The following GOLGA4 variants were observed in gnomAD, a reference collection of about 807,000 sequenced individuals.
The protein encoded by GOLGA4 is golgin A4, also known as golgin subfamily A member 4.
GOLGA4 carries 169 observed loss-of-function variants against 265.9 expected under a neutral mutation model. The ratio of observed to expected loss-of-function variants is 0.64; its 90% CI spans 0.56 to 0.72. The LOEUF is 0.72. Ranked by LOEUF, GOLGA4 falls within the 30% of genes least tolerant of loss-of-function variation. GOLGA4 has a pLI of 0.00. For synonymous variants in GOLGA4, 923 were observed against 855.8 expected (o/e 1.08, Z -1.37); for missense variants, 2,482 against 2,483.4 (o/e 1.00, Z 0.01).
chr3:37,268,125 A>C (rs1353370806), intron 2 of GOLGA4, among the ~76,000 whole-genome samples: 1 of 152,174 alleles, frequency 6.6e-6, no homozygotes, highest in East Asian at 1.9e-4. Flanking sequence ...TCTGTTGTTC[A>C]GGCTGGAATG....
chr3:37,315,509 A>C lies in GOLGA4; in HGVS notation c.1324A>C (p.Lys442Gln), dbSNP rs1280259392. ...GAAGGCAGAAATGGATGAACAAATA[A>C]AAACTATCGAAAAAACAAGTGAGGA... The part of the protein sequence containing the change: ...KLKAEMDEQI[K>Q]TIEKTSEEER... The change falls in exon 11 of 24, where the codon AAA becomes CAA. Residue 442 changes from lysine to glutamine, a missense_variant. Coordinates refer to ENST00000361924, the MANE Select transcript of GOLGA4 (RefSeq NM_002078.5). The C allele has an allele frequency of 1.9e-6, 3 of 1,614,006 alleles. No homozygotes were observed. The highest frequency in any genetic ancestry group is 1.7e-6 in the Non-Finnish European group (2 of 1,179,868).
intron 17 of GOLGA4, among the ~76,000 whole-genome samples, chr3:37,335,590 T>A (rs1439533532): frequency 1.3e-5 from 2 of 152,206 alleles, no homozygotes; most frequent in Non-Finnish European, 2.9e-5. Flanking sequence ...CTATAATACA[T>A]CCTTAGTTGT....
rs780428861 is a variant in GOLGA4, at chr3:37,324,176, C to A, written c.2290C>A (p.Leu764Ile). ...LKDQINQLEL[L>I]LKERDKHLKE... ...AGATCAAATTAATCAACTTGAGCTT[C>A]TCTTGAAGGAAAGGGACAAGCATTT... The change falls in exon 14 of 24, where the codon CTC (leucine) becomes ATC (isoleucine). Residue 764 changes from leucine (L) to isoleucine (I), a missense_variant. Around this residue, in one of 3 missense-constraint regions of GOLGA4, gnomAD observed 1,536 missense variants for 1,483.7 expected, o/e 1.04. Coordinates refer to ENST00000361924, the MANE Select transcript of GOLGA4 (RefSeq NM_002078.5). 6 of 1,613,966 alleles carry A rather than the reference C, an allele frequency of 3.7e-6. No homozygotes were observed. In the Admixed American group the frequency reaches 1.0e-4, roughly 27 times the overall value.
At chr3:37,299,144 C>A in intron 8 of GOLGA4, 124 bp downstream of exon 8, 1 of 933,482 alleles carries the variant, frequency 1.1e-6, no homozygotes. Flanking sequence ...TTGCCCTGGC[C>A]TACATAACAC....
intron 19 of GOLGA4, among the ~76,000 whole-genome samples, chr3:37,339,228 G>A (rs538728520): frequency 1.3e-5 from 2 of 152,194 alleles, no homozygotes; most frequent in Admixed American, 6.5e-5. Context: ...GCATATATCA[G>A]TATTTAATTT....
At chr3:37,265,117 TTGTGTGTG>T (rs35252934) in intron 2 of GOLGA4, among the ~76,000 whole-genome samples, 39 of 147,648 alleles carry the variant, frequency 2.6e-4, no homozygotes, top group Admixed American at 9.5e-4. Context: ...CATGCTCATA[TTGTGTGTG>T]TGTGTGTGTG....
intron 2 of GOLGA4, among the ~76,000 whole-genome samples, chr3:37,261,004 CAAAAAA>C: frequency 7.4e-6 from 1 of 134,516 alleles, no homozygotes; most frequent in African/African-American, 2.7e-5. Context: ...CTGTCTCTAC[CAAAAAA>C]AAAAAAAAAA....
At chr3:37,262,418 G>A (rs1028648975) in intron 2 of GOLGA4, among the ~76,000 whole-genome samples, 2 of 152,000 alleles carry the variant, frequency 1.3e-5, no homozygotes, top group Non-Finnish European at 2.9e-5. Flanking sequence ...AATGAGGCAG[G>A]AGAATTAGTT....
At chr3:37,284,872 C>G (rs891177324) in intron 3 of GOLGA4, among the ~76,000 whole-genome samples, 1 of 152,032 alleles carries the variant, frequency 6.6e-6, no homozygotes, top group African/African-American at 2.4e-5. Context: ...GCCATTTTGC[C>G]CAGGCTGGTC....
At chr3:37,278,703 G>T (rs982965001) in intron 2 of GOLGA4, among the ~76,000 whole-genome samples, 1 of 151,916 alleles carries the variant, frequency 6.6e-6, no homozygotes, top group Non-Finnish European at 1.5e-5. Context: ...CTTAAAAAGT[G>T]ATAAAAATGG....
chr3:37,302,572 TA>T (rs2096895924), intron 10 of GOLGA4, among the ~76,000 whole-genome samples: 1 of 152,246 alleles, frequency 6.6e-6, no homozygotes, highest in Non-Finnish European at 1.5e-5. Flanking sequence ...TTTACATTTT[TA>T]AATACTTGAA....
intron 23 of GOLGA4, among the ~76,000 whole-genome samples, chr3:37,364,481 A>G (rs1696590691): frequency 6.6e-6 from 1 of 151,582 alleles, no homozygotes; most frequent in African/African-American, 2.4e-5. Flanking sequence ...ACCTCAGGTG[A>G]TCCACCTGCC....
intron 10 of GOLGA4, among the ~76,000 whole-genome samples, chr3:37,308,152 G>A (rs1012595173): frequency 6.6e-6 from 1 of 151,770 alleles, no homozygotes; most frequent in Non-Finnish European, 1.5e-5. Flanking sequence ...AGAATCACTT[G>A]AACCTGGGAG....
In GOLGA4 at chr3:37,328,972, A is replaced by G. The variant is rs367703617; in HGVS notation, c.6071A>G (p.Gln2024Arg). 80 of 1,602,052 alleles carry G rather than the reference A, an allele frequency of 5.0e-5. No homozygotes were observed. Among genetic ancestry groups the G allele is most frequent in the Non-Finnish European group, 6.7e-5 (79 of 1,175,894 alleles). The part of the protein sequence containing the change: ...MTIKETINKA[Q>R]EVEAELLESH... Reference sequence around the variant, plus strand: ...CATTTTTATTTATTAGATAAGGCCCAGGAGGTGGAGGCTGAACTTTTAGAA... The same window carrying G: ...CATTTTTATTTATTAGATAAGGCCCGGGAGGTGGAGGCTGAACTTTTAGAA... Residue 2024 changes from glutamine to arginine, a missense_variant, in exon 16 of 24, where the codon CAG becomes CGG. Transcript: ENST00000361924.
intron 10 of GOLGA4, among the ~76,000 whole-genome samples, chr3:37,308,684 C>T (rs1353391841): frequency 6.6e-6 from 1 of 151,250 alleles, no homozygotes; most frequent in Non-Finnish European, 1.5e-5. Context: ...GGTGTGATCT[C>T]GGCTCACTGC....
intron 21 of GOLGA4, 140 bp from the exon 22 acceptor site, chr3:37,354,961 T>G (rs954295792): frequency 8.7e-6 from 5 of 572,360 alleles, no homozygotes; most frequent in African/African-American, 1.9e-5. Flanking sequence ...TTTCCTTGAC[T>G]AATACCTTCA....
At position 37,276,305 on chromosome 3, in the gene GOLGA4, A is replaced by G. The variant is rs552013376; in HGVS notation, c.163-5653A>G. ...AAATCTTAAAGATGCAAAAAATCCA[A>G]ATTTAAGGAAAAATGTCCTCTGTGG... On this transcript the variant is annotated intron_variant, in intron 2 of 23. Transcript: ENST00000361924. 3.6e-5 allele frequency: 58 copies of G among 1,601,194 alleles called. 1 individual carries two copies. In the African/African-American group the frequency reaches 7.1e-4, roughly 20 times the overall value.
At chr3:37,289,327 T>C (rs780955183) in intron 5 of GOLGA4, 36 bp downstream of exon 5, 3 of 1,218,016 alleles carry the variant, frequency 2.5e-6, no homozygotes, top group Non-Finnish European at 2.4e-6. Flanking sequence ...AAAATAGTAA[T>C]TAAATCTCAT....
intron 10 of GOLGA4, among the ~76,000 whole-genome samples, chr3:37,303,068 A>AT: frequency 6.6e-6 from 1 of 152,384 alleles, no homozygotes; most frequent in African/African-American, 2.4e-5. Context: ...ACAATGCCGT[A>AT]AACAGGCACA....
Sources: allele counts gnomAD v4.1 joint callset (sites outside exome capture counted in the v4.1 genomes callset), GRCh38; gene constraint gnomAD v4.1.1; regional missense constraint gnomAD v4.1.1; transcripts MANE v1.5; gene names NCBI Gene and HGNC (gene_info 2026-07-23, HGNC 2026-07-21).